UTRN: variants seen among roughly 807,000 people sequenced by gnomAD.
UTRN encodes the protein dystrophin-related protein 1.
In UTRN, 283 loss-of-function variants were observed where a neutral mutation model predicts 463.9. The ratio of observed to expected loss-of-function variants is 0.61; its 90% CI spans 0.55 to 0.67. The LOEUF (loss-of-function observed/expected upper bound fraction) is 0.67, where lower values mean the gene tolerates loss of function less well. Ranked by LOEUF, UTRN falls within the 30% of genes least tolerant of loss-of-function variation. The pLI is 0.00. For missense variants in UTRN, 3,922 were observed against 4,084.3 expected, an observed-to-expected ratio of 0.96 and a Z score of 1.08; for synonymous variants, 1,442 against 1,431.5, an observed-to-expected ratio of 1.01 and a Z score of -0.17.
In UTRN at chr6:144,462,806, C is replaced by G; in HGVS notation, c.3006C>G (p.Val1002=). 1 of 1,610,086 alleles carries G rather than the reference C, an allele frequency of 6.2e-7. No homozygotes were observed. Among genetic ancestry groups the G allele is most frequent in the Middle Eastern group, 1.7e-4 (1 of 6,050 alleles). Residue 1002 remains valine (V), a synonymous_variant, in exon 23 of 75, where the codon GTC becomes GTG. Coordinates refer to ENST00000367545, the MANE Select transcript of UTRN (RefSeq NM_007124.3). The part of the protein sequence containing the change: ...DVQGKWNKLK[V]LVSKDLHLLE... Reference sequence around the variant, plus strand: ...AAGGAAAGTGGAACAAGCTAAAGGTCTTGGTTTCCAAAGATCTACATTTGC... The same window carrying G: ...AAGGAAAGTGGAACAAGCTAAAGGTGTTGGTTTCCAAAGATCTACATTTGC...
intron 50 of UTRN, among the ~76,000 whole-genome samples, chr6:144,576,648 A>G (rs540336699): frequency 3.9e-5 from 6 of 152,268 alleles, no homozygotes; most frequent in Non-Finnish European, 7.4e-5. Flanking sequence ...ATGTAAGTCA[A>G]CACAAAAGGT....
At chr6:144,341,081 A>G (rs1041450569) in intron 2 of UTRN, among the ~76,000 whole-genome samples, 1 of 152,170 alleles carries the variant, frequency 6.6e-6, no homozygotes, top group Admixed American at 6.5e-5. Context: ...GAAGTTTCCC[A>G]CTATGGAAAG....
chr6:144,842,046 G>T (rs944928293), intron 73 of UTRN, among the ~76,000 whole-genome samples: 18 of 141,942 alleles, frequency 1.3e-4, no homozygotes, highest in African/African-American at 4.7e-4. Context: ...GGAGGTAGAG[G>T]TTGCAATGAG....
chr6:144,440,400 A>T lies in UTRN; in HGVS notation c.1441A>T (p.Thr481Ser). Residue 481 changes from threonine (T) to serine (S), a missense_variant, in exon 13 of 75, where the codon ACT becomes TCT. This residue lies in a region of UTRN where 2,349 missense variants were observed against 2,303.8 expected (regional missense o/e 1.02). Transcript: ENST00000367545. Reference sequence around the variant, plus strand: ...TGAACAGGTGAAAGTAAATTCACTAACTCACATGGTGGTCATTGTTGATGA... The same window carrying T: ...TGAACAGGTGAAAGTAAATTCACTATCTCACATGGTGGTCATTGTTGATGA... ...EAEQVKVNSL[T>S]HMVVIVDENS... The T allele has an allele frequency of 6.2e-7, 1 of 1,614,188 alleles. No homozygotes were observed. Among genetic ancestry groups the T allele is most frequent in the Non-Finnish European group, 8.5e-7 (1 of 1,180,024 alleles).
chr6:144,640,290 T>G (rs1209891041), intron 51 of UTRN, among the ~76,000 whole-genome samples: 1 of 152,122 alleles, frequency 6.6e-6, no homozygotes, highest in Non-Finnish European at 1.5e-5. Flanking sequence ...AATTGGAATA[T>G]ACTTATCAAG....
chr6:144,466,198 G>A (rs1456226229), intron 23 of UTRN, among the ~76,000 whole-genome samples: 1 of 152,240 alleles, frequency 6.6e-6, no homozygotes, highest in African/African-American at 2.4e-5. Flanking sequence ...GAGTTTGGAA[G>A]TGAATCCCAC....
intron 9 of UTRN, among the ~76,000 whole-genome samples, chr6:144,432,572 G>A (rs1406647242): frequency 6.6e-6 from 1 of 152,170 alleles, no homozygotes; most frequent in African/African-American, 2.4e-5. Flanking sequence ...AGTGTTGGGT[G>A]GGGGAAAACA....
intron 65 of UTRN, among the ~76,000 whole-genome samples, chr6:144,804,793 G>A (rs7751513): frequency 0.057 from 8,657 of 152,152 alleles, 620 homozygotes; most frequent in African/African-American, 0.17. Flanking sequence ...AGTTGTTGGA[G>A]ATACATCCAC....
chr6:144,303,235 C>A (rs1805445688), intron 2 of UTRN, among the ~76,000 whole-genome samples: 1 of 152,148 alleles, frequency 6.6e-6, no homozygotes, highest in Admixed American at 6.5e-5. Context: ...CAGTTAGTAA[C>A]AGGGTGTGCA....
At chr6:144,566,449 G>A (rs898573167) in intron 50 of UTRN, among the ~76,000 whole-genome samples, 2 of 152,282 alleles carry the variant, frequency 1.3e-5, no homozygotes, top group Middle Eastern at 3.4e-3. Flanking sequence ...GAAGAAGAAT[G>A]CAGATGGAAG....
intron 55 of UTRN, among the ~76,000 whole-genome samples, chr6:144,751,281 A>G (rs1437165523): frequency 6.6e-6 from 1 of 152,232 alleles, no homozygotes; most frequent in Non-Finnish European, 1.5e-5. Flanking sequence ...TTTCCAGAGT[A>G]AACTGCATAT....
intron 52 of UTRN, among the ~76,000 whole-genome samples, chr6:144,690,593 C>T (rs1020965092): frequency 2.6e-5 from 4 of 152,314 alleles, no homozygotes; most frequent in African/African-American, 9.6e-5. Context: ...GGGAGCATCT[C>T]TTAACCTGCG....
At chr6:144,808,327 A>T (rs1211488193) in intron 65 of UTRN, among the ~76,000 whole-genome samples, 1 of 152,056 alleles carries the variant, frequency 6.6e-6, no homozygotes, top group Non-Finnish European at 1.5e-5. Flanking sequence ...TTCAGGGATT[A>T]TCATTTTTTA....
chr6:144,704,653 G>A (rs1163218342), intron 53 of UTRN, among the ~76,000 whole-genome samples: 1 of 152,092 alleles, frequency 6.6e-6, no homozygotes, highest in Admixed American at 6.6e-5. Flanking sequence ...CTCGAGGGAA[G>A]AAATAAAAGC....
At chr6:144,375,586 CT>C (rs770368775) in intron 2 of UTRN, among the ~76,000 whole-genome samples, 6 of 151,970 alleles carry the variant, frequency 3.9e-5, no homozygotes, top group Non-Finnish European at 7.4e-5. Context: ...GATATGTGGC[CT>C]TGTTTGAGTT....
intron 33 of UTRN, among the ~76,000 whole-genome samples, chr6:144,498,880 C>G (rs539529856): frequency 1.3e-5 from 2 of 152,090 alleles, no homozygotes; most frequent in African/African-American, 4.8e-5. Flanking sequence ...GTCATGTTTC[C>G]CAGGCTGGTC....
At chr6:144,417,629 G>A (rs1249579101) in intron 3 of UTRN, among the ~76,000 whole-genome samples, 2 of 152,066 alleles carry the variant, frequency 1.3e-5, no homozygotes, top group Non-Finnish European at 2.9e-5. Context: ...ACAGCTTTAG[G>A]TGGTTGCAAA....
At chr6:144,424,453 C>T (rs571111724) in intron 6 of UTRN, among the ~76,000 whole-genome samples, 11 of 152,196 alleles carry the variant, frequency 7.2e-5, no homozygotes, top group Non-Finnish European at 1.5e-4. Context: ...CCACATTACT[C>T]CTGTATGACC....
At chr6:144,331,661 A>G (rs937938713) in intron 2 of UTRN, among the ~76,000 whole-genome samples, 15 of 152,214 alleles carry the variant, frequency 9.9e-5, no homozygotes, top group African/African-American at 3.6e-4. Context: ...GCTGGGAGGC[A>G]GACAAGCAAG....
Sources: allele counts gnomAD v4.1 joint callset (sites outside exome capture counted in the v4.1 genomes callset), GRCh38; gene constraint gnomAD v4.1.1; regional missense constraint gnomAD v4.1.1; transcripts MANE v1.5; gene names NCBI Gene and HGNC (gene_info 2026-07-23, HGNC 2026-07-21).